Variants in RHBDD1 observed in about 807,000 individuals in gnomAD.
RHBDD1 encodes rhomboid-related protein 4.
Under a neutral mutation model 36.3 loss-of-function variants are expected in RHBDD1, and 38 were observed. The ratio of observed to expected loss-of-function variants is 1.05; its 90% CI spans 0.81 to 1.37. The LOEUF (loss-of-function observed/expected upper bound fraction) is 1.37. Ranked by LOEUF, RHBDD1 falls within the 40% of genes most tolerant of loss-of-function variation. The pLI, the probability that RHBDD1 is intolerant of heterozygous loss-of-function variation, is 0.00. For synonymous variants in RHBDD1, 151 were observed against 136.5 expected (o/e 1.11, Z -0.74); for missense variants, 393 against 377.6 (o/e 1.04, Z -0.34).
chr2:226,854,314 C>G (rs911790460), intron 3 of RHBDD1, among the ~76,000 whole-genome samples: 1 of 151,896 alleles, frequency 6.6e-6, no homozygotes, highest in Non-Finnish European at 1.5e-5. Flanking sequence ...ACCTAAGGGC[C>G]GGGCGTGGTG....
intron 8 of RHBDD1, among the ~76,000 whole-genome samples, chr2:226,964,602 C>G (rs1404137588): frequency 1.3e-5 from 2 of 152,202 alleles, no homozygotes; most frequent in Non-Finnish European, 2.9e-5. Context: ...AGTTTTCTTT[C>G]TGAGCCTCTA....
At chr2:226,917,147 G>A (rs10165767) in intron 8 of RHBDD1, among the ~76,000 whole-genome samples, 76,982 of 151,610 alleles carry the variant, frequency 0.51, 20,581 homozygotes, top group African/African-American at 0.69. Context: ...CTGTTTAACA[G>A]TAAATGGTAT....
At chr2:226,881,143 C>T (rs533241059) in intron 5 of RHBDD1, among the ~76,000 whole-genome samples, 2 of 152,104 alleles carry the variant, frequency 1.3e-5, no homozygotes, top group Admixed American at 1.3e-4. Context: ...TATGAAACCA[C>T]CAGATCTCCT....
chr2:226,888,411 GTT>G lies in RHBDD1; in HGVS notation c.567-18372_567-18371del, dbSNP rs59372958. Among the ~76,000 whole-genome samples the G allele has an allele frequency of 3.3e-3, 491 of 146,850 alleles. 2 individuals carry two copies. Among genetic ancestry groups the G allele is most frequent in the African/African-American group, 0.011 (437 of 40,676 alleles). On this transcript the variant is annotated intron_variant, in intron 5 of 8. Transcript: ENST00000392062. ...GTTTGGATCATGAAATCTCAGTGAG[GTT>G]TTTTTTTTTCAAAAATTCAGTTTTA... is the stretch of plus-strand genomic sequence containing the variant.
At chr2:226,917,079 C>T (rs973008456) in intron 8 of RHBDD1, among the ~76,000 whole-genome samples, 1 of 151,844 alleles carries the variant, frequency 6.6e-6, no homozygotes, top group African/African-American at 2.4e-5. Context: ...TGAGATGTTT[C>T]CTTAATGAAG....
At chr2:226,986,238 G>A (rs1213653159) in intron 8 of RHBDD1, among the ~76,000 whole-genome samples, 3 of 152,118 alleles carry the variant, frequency 2.0e-5, no homozygotes, top group Admixed American at 6.5e-5. Flanking sequence ...AAGGAGACTT[G>A]GTAACAAAAT....
chr2:226,827,994 T>C, the RHBDD1 span, among the ~76,000 whole-genome samples: 1 of 152,324 alleles, frequency 6.6e-6, no homozygotes, highest in South Asian at 2.1e-4. Context: ...TCGTGCATTA[T>C]TTATGTATAG....
At chr2:226,870,646 T>A (rs919704350) in intron 5 of RHBDD1, among the ~76,000 whole-genome samples, 6 of 152,198 alleles carry the variant, frequency 3.9e-5, no homozygotes, top group Non-Finnish European at 8.8e-5. Context: ...AAGACTTAAC[T>A]ATCAATAGCC....
At chr2:226,915,286 G>A (rs1185698431) in intron 8 of RHBDD1, among the ~76,000 whole-genome samples, 3 of 151,944 alleles carry the variant, frequency 2.0e-5, no homozygotes, top group Non-Finnish European at 4.4e-5. Context: ...GCTGTGGACG[G>A]GCATTCTCTG....
intron 5 of RHBDD1, among the ~76,000 whole-genome samples, chr2:226,872,348 A>T (rs1944862906): frequency 6.6e-6 from 1 of 152,220 alleles, no homozygotes; most frequent in Non-Finnish European, 1.5e-5. Context: ...CACCTCTGTA[A>T]TATTTTCCCC....
At chr2:226,979,075 A>C (rs1417822254) in intron 8 of RHBDD1, among the ~76,000 whole-genome samples, 2 of 152,172 alleles carry the variant, frequency 1.3e-5, no homozygotes, top group East Asian at 3.9e-4. Context: ...TGGGGAAAGA[A>C]AGAAGCTATT....
chr2:226,841,696 T>C (rs1282683141), intron 3 of RHBDD1, among the ~76,000 whole-genome samples: 1 of 152,250 alleles, frequency 6.6e-6, no homozygotes, highest in Non-Finnish European at 1.5e-5. Context: ...CCATCTATCA[T>C]TGATGGGCAT....
chr2:226,867,249 T>G lies in RHBDD1; in HGVS notation c.497T>G (p.Leu166Trp), dbSNP rs1944418943. 1 of 1,613,694 alleles carries G rather than the reference T, an allele frequency of 6.2e-7. No homozygotes were observed. The highest frequency in any genetic ancestry group is 1.3e-5 in the African/African-American group (1 of 74,928). Residue 166 changes from leucine to tryptophan, a missense_variant, in exon 5 of 9, where the codon TTG becomes TGG. Physicochemically the swap from Leu to Trp is moderately conservative, Grantham distance 61. Transcript: ENST00000392062. ...HYCPGGFVNI[L>W]GFPVPNRFAC... ...TGCCCTGGAGGCTTTGTCAACATTT[T>G]GGGCTTTCCTGTACCGAACAGATTT...
At chr2:226,974,805 C>G in intron 8 of RHBDD1, among the ~76,000 whole-genome samples, 1 of 152,206 alleles carries the variant, frequency 6.6e-6, no homozygotes, top group East Asian at 1.9e-4. Flanking sequence ...GTGAACCATA[C>G]AGTGCTCACG....
chr2:226,944,410 G>GTC (rs1669516862), intron 8 of RHBDD1, among the ~76,000 whole-genome samples: 1 of 152,098 alleles, frequency 6.6e-6, no homozygotes, highest in South Asian at 2.1e-4. Context: ...CCAGGCTAGG[G>GTC]GGACACTGTC....
chr2:226,952,776 C>T (rs1186265675), intron 8 of RHBDD1, among the ~76,000 whole-genome samples: 2 of 152,122 alleles, frequency 1.3e-5, no homozygotes, highest in Non-Finnish European at 2.9e-5. Flanking sequence ...TATCTGCCCT[C>T]AGGGAATGTG....
rs559537895 is a variant in RHBDD1 at position 226,956,121 on chromosome 2, G to A, written c.857-39310G>A. Among the ~76,000 whole-genome samples, 12 of 152,272 alleles carry A rather than the reference G, an allele frequency of 7.9e-5. No homozygotes were observed. In the East Asian group the frequency reaches 2.1e-3, roughly 27 times the overall value. Reference sequence around the variant, plus strand: ...ATGATTAGTGAGTGGAATTCAAATTGTGTGCTATCAAAGTACCATTGAACC... The same window carrying A: ...ATGATTAGTGAGTGGAATTCAAATTATGTGCTATCAAAGTACCATTGAACC... On this transcript the variant is annotated intron_variant, in intron 8 of 8. Transcript: ENST00000392062.
intron 8 of RHBDD1, chr2:226,988,279 A>T (rs1204730937): frequency 1.3e-6 from 2 of 1,519,104 alleles, no homozygotes; most frequent in African/African-American, 2.8e-5. Context: ...AGGCCACTGT[A>T]AGTCTCTTCC....
At chr2:226,852,300 C>T (rs1051917937) in intron 3 of RHBDD1, among the ~76,000 whole-genome samples, 18 of 151,982 alleles carry the variant, frequency 1.2e-4, no homozygotes, top group Admixed American at 3.9e-4. Context: ...TTTGTTTCGC[C>T]GCAGTAATTT....
Sources: gnomAD v4.1 joint callset for allele counts (sites outside exome capture counted in the v4.1 genomes callset) on GRCh38, gnomAD v4.1.1 for gene constraint, MANE v1.5 for transcripts, NCBI Gene and HGNC (gene_info 2026-07-23, HGNC 2026-07-21) for gene names.